Variants in CCSER1 observed in about 807,000 individuals in gnomAD.
CCSER1 encodes the protein coiled-coil serine rich protein 1.
Under a neutral mutation model 82.0 loss-of-function variants are expected in CCSER1, and 41 were observed. The ratio of observed to expected loss-of-function variants is 0.50; its 90% CI spans 0.39 to 0.65. The LOEUF is 0.65. Among genes scored for constraint, CCSER1 ranks in the 30% least tolerant of loss-of-function variants. The pLI, the probability that CCSER1 is intolerant of heterozygous loss-of-function variation, is 0.00. For missense variants in CCSER1, 1,119 were observed against 1,064.2 expected (o/e 1.05, Z -0.72); for synonymous variants, 414 against 383.9 (o/e 1.08, Z -0.92).
chr4:91,138,421 A>G (rs1338973601), intron 10 of CCSER1, among the ~76,000 whole-genome samples: 1 of 32,352 alleles, frequency 3.1e-5, no homozygotes, highest in African/African-American at 9.6e-5. Context: ...CTTACACCTT[A>G]TACAAAAATC....
In CCSER1 at chr4:90,360,461, G is replaced by A. The variant is rs1258619269; in HGVS notation, c.1510-39575G>A. Among the ~76,000 whole-genome samples the A allele has an allele frequency of 4.3e-4, 65 of 150,430 alleles. 2 individuals are homozygous for A. The Admixed American group carries it at 4.3e-3, about 10-fold the overall frequency. On this transcript the variant is annotated intron_variant, in intron 3 of 10. Transcript: ENST00000509176. ...GGAGGCTGAGGCAGGAGAATGGGGA[G>A]ACTGCTCGGGAGGCTGAGGCAGGAG... is the stretch of plus-strand genomic sequence containing the variant.
chr4:90,471,285 A>C (rs1298766440), intron 5 of CCSER1, among the ~76,000 whole-genome samples: 4 of 151,654 alleles, frequency 2.6e-5, no homozygotes, highest in Non-Finnish European at 5.9e-5. Context: ...CAATTTTCTT[A>C]ACCCCTGGGC....
chr4:90,224,266 G>T (rs928700469), intron 1 of CCSER1, among the ~76,000 whole-genome samples: 1 of 152,166 alleles, frequency 6.6e-6, no homozygotes, highest in East Asian at 1.9e-4. Context: ...TCTATAGTTT[G>T]CATTTTATTC....
At position 91,174,464 on chromosome 4, in the gene CCSER1, C is replaced by A. The variant is rs995851998; in HGVS notation, c.2217+88470C>A. On this transcript the variant is annotated intron_variant, in intron 10 of 10. Coordinates refer to ENST00000509176, the MANE Select transcript of CCSER1 (RefSeq NM_001145065.2). ...AATATAAATTTTAATTTTTATTTTA[C>A]TATAAGTTCTGGGAAGCATGTGCAG... is the stretch of plus-strand genomic sequence containing the variant. 1.1e-4 allele frequency among the ~76,000 whole-genome samples: 17 copies of A among 151,952 alleles called. No homozygotes were observed. In the East Asian group the frequency reaches 3.3e-3, roughly 29 times the overall value.
At chr4:90,883,227 C>T (rs1313259419) in intron 8 of CCSER1, among the ~76,000 whole-genome samples, 1 of 151,986 alleles carries the variant, frequency 6.6e-6, no homozygotes, top group Non-Finnish European at 1.5e-5. Context: ...CAATAGTAAA[C>T]TAAAGATAAC....
At chr4:90,167,061 A>G (rs1001421926) in intron 1 of CCSER1, among the ~76,000 whole-genome samples, 2 of 152,074 alleles carry the variant, frequency 1.3e-5, no homozygotes. Flanking sequence ...TGATTGTAAC[A>G]TAAGTGACTT....
Position 91,155,658 on chromosome 4 carries a change from G to T in CCSER1, c.2217+69664G>T, listed in dbSNP as rs141366675. On this transcript the variant is annotated intron_variant, in intron 10 of 10. Transcript: ENST00000509176. Reference sequence around the variant, plus strand: ...AATGAATTACTTCTCTCTTTTACTTGCTATATCTTCACATATTTGAAAATA... The same window carrying T: ...AATGAATTACTTCTCTCTTTTACTTTCTATATCTTCACATATTTGAAAATA... Among the ~76,000 whole-genome samples, 556 of 151,858 alleles carry T rather than the reference G, an allele frequency of 3.7e-3. 8 individuals are homozygous for T. Among genetic ancestry groups the T allele is most frequent in the Middle Eastern group, 6.8e-3 (2 of 292 alleles).
intron 10 of CCSER1, among the ~76,000 whole-genome samples, chr4:91,503,996 C>T (rs1322782758): frequency 6.6e-6 from 1 of 152,164 alleles, no homozygotes; most frequent in Non-Finnish European, 1.5e-5. Flanking sequence ...TCTTTTATTA[C>T]TGTCTACTCT....
chr4:90,496,971 CAAA>C lies in CCSER1; in HGVS notation c.1724+28637_1724+28639del, dbSNP rs771281710. Among the ~76,000 whole-genome samples the C allele has an allele frequency of 6.9e-3, 380 of 55,198 alleles. 1 individual carries two copies. Among genetic ancestry groups the C allele is most frequent in the African/African-American group, 0.02 (360 of 17,730 alleles). 36.2% of individuals were successfully genotyped at this position (55,198 alleles called of 152,430 possible). ...CCAGCCTGGCGATAGAGCGAGACTA[CAAA>C]AAAAAAAAAAAAAAAAAAAGAAAGA... On this transcript the variant is annotated intron_variant, in intron 5 of 10. Coordinates refer to ENST00000509176, the MANE Select transcript of CCSER1 (RefSeq NM_001145065.2).
intron 5 of CCSER1, among the ~76,000 whole-genome samples, chr4:90,579,399 AG>A (rs1781160237): frequency 6.6e-6 from 1 of 152,182 alleles, no homozygotes; most frequent in Non-Finnish European, 1.5e-5. Context: ...AAAATGACAA[AG>A]CAGCAAGGGC....
chr4:90,653,129 A>AT (rs971203770), intron 6 of CCSER1, among the ~76,000 whole-genome samples: 12 of 152,088 alleles, frequency 7.9e-5, no homozygotes, highest in African/African-American at 2.9e-4. Flanking sequence ...AAGAGTTCCT[A>AT]TTTAAAAAAA....
intron 10 of CCSER1, among the ~76,000 whole-genome samples, chr4:91,221,341 G>C (rs533775761): frequency 4.6e-5 from 7 of 152,150 alleles, no homozygotes; most frequent in Admixed American, 2.0e-4. Context: ...AAGTTATCAT[G>C]AATTTCCTTA....
chr4:90,633,551 T>C (rs1242096409), intron 6 of CCSER1, among the ~76,000 whole-genome samples: 1 of 151,998 alleles, frequency 6.6e-6, no homozygotes, highest in East Asian at 1.9e-4. Flanking sequence ...CCTAGAGGTT[T>C]AGAGACTGGT....
At chr4:91,515,694 T>C (rs191591472) in intron 10 of CCSER1, among the ~76,000 whole-genome samples, 80 of 152,274 alleles carry the variant, frequency 5.3e-4, no homozygotes, top group Non-Finnish European at 1.0e-3. Flanking sequence ...GGTAGAATGA[T>C]GATATTCTTT....
chr4:91,251,977 C>G (rs1740292745), intron 10 of CCSER1, among the ~76,000 whole-genome samples: 1 of 152,028 alleles, frequency 6.6e-6, no homozygotes. Context: ...ATGAATATAA[C>G]CATCCAAGAA....
At chr4:90,911,402 A>G (rs1312677256) in intron 8 of CCSER1, 1 of 442,310 alleles carries the variant, frequency 2.3e-6, no homozygotes, top group Non-Finnish European at 4.5e-6. Flanking sequence ...TTGCATTTTC[A>G]TTCCTGAGCT....
At chr4:90,388,467 G>T (rs1248701693) in intron 3 of CCSER1, among the ~76,000 whole-genome samples, 1 of 151,482 alleles carries the variant, frequency 6.6e-6, no homozygotes, top group Non-Finnish European at 1.5e-5. Flanking sequence ...CTGACACTGT[G>T]CCCGGCTAAA....
In CCSER1 at chr4:90,204,523, G is replaced by A. The variant is rs552808008; in HGVS notation, c.-42+76692G>A. ...GCTCTAGATGTGTGGCATTATTTCT[G>A]AGACCTCTGTTGTGTTCCATTGGTC... On this transcript the variant is annotated intron_variant, in intron 1 of 10. Transcript: ENST00000509176. Among the ~76,000 whole-genome samples, 143 of 152,254 alleles carry A rather than the reference G, an allele frequency of 9.4e-4. 1 individual carries two copies. Among genetic ancestry groups the A allele is most frequent in the African/African-American group, 3.3e-3 (136 of 41,532 alleles).
chr4:91,307,486 A>G (rs910993890), intron 10 of CCSER1, among the ~76,000 whole-genome samples: 1 of 152,018 alleles, frequency 6.6e-6, no homozygotes, highest in Non-Finnish European at 1.5e-5. Context: ...TTACAACTGT[A>G]AGCAAATTGT....
Sources: gnomAD v4.1 joint callset for allele counts (sites outside exome capture counted in the v4.1 genomes callset) on GRCh38, gnomAD v4.1.1 for gene constraint, MANE v1.5 for transcripts, NCBI Gene and HGNC (gene_info 2026-07-23, HGNC 2026-07-21) for gene names.